SLC8A1: variants seen among roughly 807,000 people sequenced by gnomAD.
SLC8A1 encodes the protein solute carrier family 8 member A1.
A neutral mutation model predicts 68.3 loss-of-function variants in SLC8A1; 18 were observed. The observed-to-expected ratio is 0.26, with a 90% CI of 0.18 to 0.39. The LOEUF is 0.39. SLC8A1 is among the 10% of genes least tolerant of loss of function. The pLI is 1.00. For missense variants in SLC8A1, 985 were observed against 1,156.7 expected (o/e 0.85, Z 2.15); for synonymous variants, 475 against 415.5 (o/e 1.14, Z -1.74).
At chr2:40,111,554 T>C (rs1282491023) in exon 8 of SLC8A1, 1 of 152,166 alleles carries the variant, frequency 6.6e-6, no homozygotes, top group East Asian at 1.9e-4. Context: ...TCTATTATAG[T>C]AAGAACTAAG....
intron 1 of SLC8A1, among the ~76,000 whole-genome samples, chr2:40,503,488 C>A (rs1706175683): frequency 6.6e-6 from 1 of 151,922 alleles, no homozygotes; most frequent in Non-Finnish European, 1.5e-5. Flanking sequence ...ATATAAAGGG[C>A]ATCCATATTT....
intron 2 of SLC8A1, among the ~76,000 whole-genome samples, chr2:40,222,405 C>T (rs1286603719): frequency 2.0e-5 from 3 of 152,112 alleles, no homozygotes; most frequent in Non-Finnish European, 4.4e-5. Flanking sequence ...CAGCATAAGA[C>T]CTAAAACCAT....
intron 2 of SLC8A1, among the ~76,000 whole-genome samples, chr2:40,181,536 AATGGAATCAATAATGCTCCT>A (rs2049565522): frequency 6.6e-6 from 1 of 152,198 alleles, no homozygotes; most frequent in Non-Finnish European, 1.5e-5. Context: ...AATCATTAGT[AATGGAATCAATAATGCTCCT>A]GACAGGAAGA....
chr2:40,272,534 A>C (rs191537058), intron 2 of SLC8A1, among the ~76,000 whole-genome samples: 90 of 152,336 alleles, frequency 5.9e-4, no homozygotes, highest in Non-Finnish European at 1.9e-4. Flanking sequence ...ATAGGGGGCT[A>C]ACACTGCAGA....
At chr2:40,188,930 G>A (rs2051219801) in intron 2 of SLC8A1, among the ~76,000 whole-genome samples, 1 of 152,116 alleles carries the variant, frequency 6.6e-6, no homozygotes, top group Non-Finnish European at 1.5e-5. Flanking sequence ...TAGTGAATTG[G>A]TGCTGATTTT....
At chr2:40,448,013 T>C (rs897849724) in intron 1 of SLC8A1, among the ~76,000 whole-genome samples, 3 of 152,208 alleles carry the variant, frequency 2.0e-5, no homozygotes, top group Non-Finnish European at 4.4e-5. Context: ...CAATCACAAA[T>C]GTAAATTTAA....
intron 2 of SLC8A1, among the ~76,000 whole-genome samples, chr2:40,261,303 G>A (rs1267316720): frequency 6.6e-6 from 1 of 152,194 alleles, no homozygotes; most frequent in Non-Finnish European, 1.5e-5. Context: ...TGTGCTTGCA[G>A]AGGCAATCAT....
chr2:40,428,986 C>T, exon 2 of SLC8A1: 1 of 1,613,876 alleles, frequency 6.2e-7, no homozygotes, highest in Non-Finnish European at 8.5e-7. Context: ...ATCACCACCT[C>T]TGCGGATAAT....
intron 2 of SLC8A1, among the ~76,000 whole-genome samples, chr2:40,272,390 C>G (rs1359273793): frequency 6.6e-6 from 1 of 152,220 alleles, no homozygotes; most frequent in Non-Finnish European, 1.5e-5. Flanking sequence ...CACACTCCCA[C>G]TACTCTCTCC....
chr2:40,440,508 T>C (rs1700266961), intron 1 of SLC8A1, among the ~76,000 whole-genome samples: 1 of 152,164 alleles, frequency 6.6e-6, no homozygotes, highest in Admixed American at 6.6e-5. Flanking sequence ...GTCTTTTATG[T>C]ATATAGCAAA....
At chr2:40,412,315 T>A (rs1692396765) in intron 2 of SLC8A1, among the ~76,000 whole-genome samples, 1 of 152,146 alleles carries the variant, frequency 6.6e-6, no homozygotes, top group East Asian at 1.9e-4. Flanking sequence ...TATAACTAGT[T>A]TTCATGAATG....
intron 6 of SLC8A1, among the ~76,000 whole-genome samples, chr2:40,155,231 G>T (rs371885303): frequency 1.3e-5 from 2 of 152,016 alleles, no homozygotes; most frequent in African/African-American, 4.8e-5. Context: ...CCGGGTTCAC[G>T]CCATTCTCCT....
At chr2:40,107,032 A>G (rs1471941412) in exon 8 of SLC8A1, 2 of 152,168 alleles carry the variant, frequency 1.3e-5, no homozygotes, top group South Asian at 2.1e-4. Flanking sequence ...TGATCAGTGT[A>G]TATGAAAATT....
chr2:40,323,002 A>G (rs758611591), intron 2 of SLC8A1, among the ~76,000 whole-genome samples: 4 of 152,196 alleles, frequency 2.6e-5, no homozygotes, highest in Non-Finnish European at 5.9e-5. Context: ...CTAAAATTTT[A>G]GTTCAATAAT....
intron 2 of SLC8A1, among the ~76,000 whole-genome samples, chr2:40,395,684 C>T (rs1305137162): frequency 2.0e-5 from 3 of 152,116 alleles, no homozygotes; most frequent in Admixed American, 2.0e-4. Context: ...TGCAGGATTT[C>T]TGATTTTCAG....
chr2:40,484,719 A>G (rs892165553), intron 1 of SLC8A1, among the ~76,000 whole-genome samples: 4 of 152,232 alleles, frequency 2.6e-5, no homozygotes, highest in African/African-American at 4.8e-5. Context: ...GCCAGCATTT[A>G]GGACTAAAGT....
chr2:40,483,389 T>C (rs1704765326), intron 1 of SLC8A1, among the ~76,000 whole-genome samples: 1 of 151,684 alleles, frequency 6.6e-6, no homozygotes. Context: ...AGGGTGTGAG[T>C]AGAGGGAGAG....
intron 2 of SLC8A1, among the ~76,000 whole-genome samples, chr2:40,292,825 G>A (rs1400355918): frequency 6.6e-6 from 1 of 152,130 alleles, no homozygotes; most frequent in Non-Finnish European, 1.5e-5. Context: ...GTTAAATTAC[G>A]CTGCCTATTC....
intron 7 of SLC8A1, among the ~76,000 whole-genome samples, chr2:40,133,843 G>C (rs1028386400): frequency 6.6e-6 from 1 of 152,156 alleles, no homozygotes; most frequent in Non-Finnish European, 1.5e-5. Context: ...AAGCTGGAAT[G>C]TCCTGGCCCA....
Sources: allele counts gnomAD v4.1 joint callset (sites outside exome capture counted in the v4.1 genomes callset), GRCh38; gene constraint gnomAD v4.1.1; transcripts MANE v1.5; gene names NCBI Gene and HGNC (gene_info 2026-07-23, HGNC 2026-07-21).